The following ADGRL2 variants were observed in gnomAD, a reference collection of about 807,000 sequenced individuals.
ADGRL2 encodes the protein calcium-independent alpha-latrotoxin receptor 2.
ADGRL2 carries 44 observed loss-of-function variants against 157.4 expected under a neutral mutation model. The ratio of observed to expected loss-of-function variants is 0.28; its 90% CI spans 0.22 to 0.36. The LOEUF is 0.36. Ranked by LOEUF, ADGRL2 falls within the 10% of genes least tolerant of loss-of-function variation. The pLI is 1.00. For synonymous variants in ADGRL2, 585 were observed against 624.7 expected (o/e 0.94, Z 0.95); for missense variants, 1,510 against 1,768.9 (o/e 0.85, Z 2.63).
intron 3 of ADGRL2, among the ~76,000 whole-genome samples, chr1:81,926,289 C>G (rs571971407): frequency 6.6e-6 from 1 of 151,980 alleles, no homozygotes; most frequent in South Asian, 2.1e-4. Flanking sequence ...ATTTAGAAAC[C>G]AAAATCCCCT....
intron 2 of ADGRL2, among the ~76,000 whole-genome samples, chr1:81,781,985 C>T (rs1424498956): frequency 1.3e-5 from 2 of 152,194 alleles, no homozygotes; most frequent in Non-Finnish European, 2.9e-5. Flanking sequence ...AAGTCAGAGC[C>T]ATGGGTCCCT....
chr1:81,712,031 G>GCC (rs2083948323), intron 1 of ADGRL2, among the ~76,000 whole-genome samples: 1 of 152,148 alleles, frequency 6.6e-6, no homozygotes, highest in Non-Finnish European at 1.5e-5. Context: ...AGTAGAGAAG[G>GCC]AAGTCTTTGG....
In ADGRL2 at chr1:81,775,228, A is replaced by C. The variant is rs75505978; in HGVS notation, c.-101+13376A>C. On this transcript the variant is annotated intron_variant, in intron 2 of 20. Coordinates refer to the ADGRL2 transcript ENST00000359929. ...GAAAACTTAATACTCTGAAAAAAAA[A>C]CACACTGCTTTTCTTACTTTAAATA... Among the ~76,000 whole-genome samples the C allele has an allele frequency of 7.9e-5, 12 of 152,304 alleles. No homozygotes were observed. The South Asian group carries it at 8.3e-4, about 11-fold the overall frequency.
chr1:81,443,079 A>G (rs902801915), intron 1 of ADGRL2, among the ~76,000 whole-genome samples: 2 of 152,174 alleles, frequency 1.3e-5, no homozygotes, highest in Non-Finnish European at 2.9e-5. Context: ...TCTATACTCT[A>G]AAATGTATAA....
At chr1:81,538,623 C>T (rs2079803963) in intron 2 of ADGRL2, among the ~76,000 whole-genome samples, 1 of 152,096 alleles carries the variant, frequency 6.6e-6, no homozygotes, top group Admixed American at 6.5e-5. Context: ...CAGCCTCATA[C>T]AAGGGTGTTA....
At chr1:81,347,688 CA>C (rs1374620744) in intron 1 of ADGRL2, among the ~76,000 whole-genome samples, 1 of 151,856 alleles carries the variant, frequency 6.6e-6, no homozygotes, top group Non-Finnish European at 1.5e-5. Context: ...CTTCATATTG[CA>C]AAAAATGAGA....
intron 2 of ADGRL2, among the ~76,000 whole-genome samples, chr1:81,792,740 T>G (rs891067518): frequency 6.6e-6 from 1 of 152,102 alleles, no homozygotes; most frequent in African/African-American, 2.4e-5. Flanking sequence ...CTGTCTGATT[T>G]TTAAGGAAAC....
intron 2 of ADGRL2, among the ~76,000 whole-genome samples, chr1:81,572,313 T>C (rs2080711762): frequency 1.3e-5 from 2 of 152,364 alleles, no homozygotes; most frequent in Non-Finnish European, 2.9e-5. Flanking sequence ...CAGTGTTCAT[T>C]CACTCATCCA....
intron 3 of ADGRL2, among the ~76,000 whole-genome samples, chr1:81,654,297 T>C (rs1241686748): frequency 2.0e-5 from 3 of 152,298 alleles, no homozygotes; most frequent in Non-Finnish European, 2.9e-5. Flanking sequence ...AGCAGTGTTC[T>C]CTCAGTCACC....
At chr1:81,566,663 C>G (rs2080569709) in intron 2 of ADGRL2, among the ~76,000 whole-genome samples, 2 of 152,040 alleles carry the variant, frequency 1.3e-5, no homozygotes, top group South Asian at 4.1e-4. Flanking sequence ...CTTCCCTCTG[C>G]TCCAGGCAAA....
At chr1:81,905,298 T>C (rs954031610) in intron 2 of ADGRL2, among the ~76,000 whole-genome samples, 2 of 152,226 alleles carry the variant, frequency 1.3e-5, no homozygotes, top group Middle Eastern at 3.4e-3. Flanking sequence ...GGTTTCACCA[T>C]GTTAGCCAGG....
At chr1:81,853,512 G>A (rs2093092075) in intron 2 of ADGRL2, among the ~76,000 whole-genome samples, 1 of 151,898 alleles carries the variant, frequency 6.6e-6, no homozygotes, top group African/African-American at 2.4e-5. Flanking sequence ...CCTGGTGACG[G>A]CAAAAAAGTG....
At chr1:81,965,913 C>A in intron 11 of ADGRL2, 145 bp from the exon 12 acceptor site, 3 of 810,928 alleles carry the variant, frequency 3.7e-6, no homozygotes, top group East Asian at 2.6e-5. Context: ...GTTTTTAGTC[C>A]ATGATTTTTG....
intron 1 of ADGRL2, among the ~76,000 whole-genome samples, chr1:81,340,655 T>C (rs1662006217): frequency 1.3e-5 from 2 of 151,992 alleles, no homozygotes; most frequent in African/African-American, 4.8e-5. Flanking sequence ...AAAATAAAAA[T>C]GTGAGGACCA....
intron 1 of ADGRL2, among the ~76,000 whole-genome samples, chr1:81,724,340 T>C (rs1338306555): frequency 1.3e-5 from 2 of 152,198 alleles, no homozygotes; most frequent in Admixed American, 1.3e-4. Flanking sequence ...GTAGTATTCA[T>C]ATTTGTATTT....
At chr1:81,535,276 T>G (rs1214604677) in intron 2 of ADGRL2, among the ~76,000 whole-genome samples, 2 of 152,176 alleles carry the variant, frequency 1.3e-5, no homozygotes, top group Admixed American at 6.5e-5. Flanking sequence ...TTTTAAAAAT[T>G]TTAAATATCT....
exon 1 of ADGRL2, chr1:81,306,346 T>A (rs1014915111): frequency 6.6e-6 from 1 of 152,134 alleles, no homozygotes; most frequent in African/African-American, 2.4e-5. Flanking sequence ...CTTGAGGAGG[T>A]CACTCGTTCA....
At chr1:81,314,739 G>A (rs1659991217) in intron 1 of ADGRL2, among the ~76,000 whole-genome samples, 1 of 152,090 alleles carries the variant, frequency 6.6e-6, no homozygotes, top group Admixed American at 6.6e-5. Context: ...CACATGCTGT[G>A]GCAGAATTTC....
chr1:81,900,792 C>T (rs141087617), intron 2 of ADGRL2, among the ~76,000 whole-genome samples: 163 of 152,294 alleles, frequency 1.1e-3, no homozygotes, highest in Middle Eastern at 6.8e-3. Context: ...CATACAATCA[C>T]ATCAGCAAAG....
Sources: allele counts gnomAD v4.1 joint callset (sites outside exome capture counted in the v4.1 genomes callset), GRCh38; gene constraint gnomAD v4.1.1; transcripts MANE v1.5; gene names NCBI Gene and HGNC (gene_info 2026-07-23, HGNC 2026-07-21).